ICE2: variants seen among roughly 807,000 people sequenced by gnomAD.
ICE2 encodes the protein little elongation complex subunit 2.
Under a neutral mutation model 105.4 loss-of-function variants are expected in ICE2, and 87 were observed. That is an observed-to-expected ratio of 0.83 (90% CI 0.69 to 0.99). The LOEUF is 0.99. ICE2 is among the 50% of genes least tolerant of loss of function. ICE2 has a pLI of 0.00. For synonymous variants in ICE2, 399 were observed against 392.0 expected (o/e 1.02, Z -0.21); for missense variants, 1,323 against 1,146.7 (o/e 1.15, Z -2.22).
At chr15:60,441,472 T>G (rs1315952390) in intron 12 of ICE2, 1 of 152,192 alleles carries the variant, frequency 6.6e-6, no homozygotes, top group South Asian at 2.1e-4. Flanking sequence ...TAACACAAAA[T>G]TTTATTAGAC....
chr15:60,466,456 T>C (rs966222965), intron 5 of ICE2, 138 bp downstream of exon 5: 2 of 853,472 alleles, frequency 2.3e-6, no homozygotes, highest in Non-Finnish European at 3.6e-6. Context: ...TTTTAATGCA[T>C]GATGAAGAAA....
At chr15:60,472,898 G>T (rs1266207423) in intron 3 of ICE2, among the ~76,000 whole-genome samples, 5 of 152,052 alleles carry the variant, frequency 3.3e-5, no homozygotes, top group African/African-American at 1.2e-4. Context: ...AAAGAGAAAG[G>T]CTGAGAGAAA....
chr15:60,449,246 T>A lies in ICE2; in HGVS notation c.1721A>T (p.Asp574Val). Reference protein sequence around the residue: ...EDTVLCSSDTDEECLIIDTEC... With the variant: ...EDTVLCSSDTVEECLIIDTEC... ...TGTATCAATGATTAAACACTCCTCATCTGTATCACTGCTGCAGAGAACTGT... is the reference window on the plus strand; with the variant it reads ...TGTATCAATGATTAAACACTCCTCAACTGTATCACTGCTGCAGAGAACTGT... The change falls in exon 10 of 16, where the codon GAT becomes GTT. Residue 574 changes from aspartate to valine, a missense_variant. Transcript: ENST00000261520. 1.2e-6 allele frequency: 2 copies of A among 1,613,842 alleles called. No homozygotes were observed. The highest frequency in any genetic ancestry group is 1.1e-5 in the South Asian group (1 of 91,066).
At chr15:60,445,362 T>C (rs1013271268) in intron 11 of ICE2, 1 of 168,056 alleles carries the variant, frequency 6.0e-6, no homozygotes, top group African/African-American at 2.4e-5. Flanking sequence ...TTTCCTCATT[T>C]ACTCGGTGCC....
chr15:60,449,466 G>A lies in ICE2; in HGVS notation c.1501C>T (p.Pro501Ser), dbSNP rs768307534. The change falls in exon 10 of 16, where the codon CCT (proline) becomes TCT (serine). Residue 501 changes from proline to serine, a missense_variant. Transcript: ENST00000261520. ...TTCAAGTCACTATCTTGTATCAAAG[G>A]CTTGTCAGAATTTGATACCTTTTCA... ...SCEKVSNSDKPLIQDSDLKTS... is the reference protein window; with the variant it reads ...SCEKVSNSDKSLIQDSDLKTS... The A allele has an allele frequency of 6.2e-6, 10 of 1,613,850 alleles. No homozygotes were observed. The highest frequency in any genetic ancestry group is 1.3e-5 in the African/African-American group (1 of 74,892).
chr15:60,427,977 CA>C (rs1184010768), intron 15 of ICE2, among the ~76,000 whole-genome samples: 2 of 152,180 alleles, frequency 1.3e-5, no homozygotes, highest in Non-Finnish European at 2.9e-5. Flanking sequence ...ACTCTGTTCA[CA>C]AACTGCTATT....
intron 6 of ICE2, among the ~76,000 whole-genome samples, chr15:60,456,278 C>T (rs2064109008): frequency 1.3e-5 from 2 of 151,042 alleles, no homozygotes; most frequent in African/African-American, 4.8e-5. Flanking sequence ...TGCAGTGGCT[C>T]ACTCCTGTAA....
chr15:60,431,856 G>T, intron 14 of ICE2, 78 bp downstream of exon 14: 1 of 786,488 alleles, frequency 1.3e-6, no homozygotes, highest in Non-Finnish European at 2.1e-6. Context: ...ATTCCTAACA[G>T]TACATTTTCA....
chr15:60,442,086 G>C (rs866025026), intron 12 of ICE2: 1 of 178,574 alleles, frequency 5.6e-6, no homozygotes, highest in Non-Finnish European at 1.2e-5. Flanking sequence ...CTTGAGGCTA[G>C]AAGTTCAAGA....
intron 15 of ICE2, among the ~76,000 whole-genome samples, chr15:60,424,771 G>A (rs923056521): frequency 2.6e-5 from 4 of 152,210 alleles, no homozygotes; most frequent in African/African-American, 4.8e-5. Context: ...CTCCCACAGT[G>A]CTGGGATTAT....
chr15:60,468,489 G>C (rs930196119), intron 3 of ICE2, among the ~76,000 whole-genome samples, 167 bp from the exon 4 acceptor site: 20 of 152,168 alleles, frequency 1.3e-4, no homozygotes, highest in African/African-American at 4.8e-4. Context: ...GCCATTTAAA[G>C]TAGATTAAGT....
intron 5 of ICE2, among the ~76,000 whole-genome samples, chr15:60,462,342 T>C (rs934088821): frequency 1.3e-5 from 2 of 152,118 alleles, no homozygotes; most frequent in African/African-American, 4.8e-5. Flanking sequence ...AGATCAATTA[T>C]AAAACATGGT....
intron 5 of ICE2, among the ~76,000 whole-genome samples, chr15:60,461,324 C>T (rs1370835088): frequency 5.9e-5 from 9 of 152,080 alleles, no homozygotes; most frequent in Admixed American, 3.3e-4. Context: ...GAGTTGTATT[C>T]AGACTATATA....
Position 60,478,020 on chromosome 15 carries a change from G to A in ICE2, c.-43C>T. 6.3e-7 allele frequency: 1 copy of A among 1,584,322 alleles called. No individual in the cohort carries two copies. The highest frequency in any genetic ancestry group is 8.7e-7 in the Non-Finnish European group (1 of 1,153,066). ...TCACTCTAGCTCACAGTTCACAGCT[G>A]CCTGGCTGCGAAGGCTCCAAGAGGC... On this transcript the variant is annotated 5_prime_UTR_variant, in exon 2 of 16. Coordinates refer to ENST00000261520, the MANE Select transcript of ICE2 (RefSeq NM_024611.6).
chr15:60,469,149 G>A (rs1342230405), intron 3 of ICE2, among the ~76,000 whole-genome samples: 1 of 152,144 alleles, frequency 6.6e-6, no homozygotes, highest in Non-Finnish European at 1.5e-5. Context: ...CCTTTGCAGG[G>A]GCACGAATGG....
At chr15:60,424,040 G>GA (rs1422445565) in intron 15 of ICE2, among the ~76,000 whole-genome samples, 1 of 152,138 alleles carries the variant, frequency 6.6e-6, no homozygotes, top group Non-Finnish European at 1.5e-5. Flanking sequence ...ATTAGAGGTT[G>GA]AAAAGATAAA....
chr15:60,423,289 C>T lies in ICE2; in HGVS notation c.*345G>A, dbSNP rs554314484. ...CGCAACAGACTGGCAATATAACTAA[C>T]ACAATACATAACGATAAGTGTTGTT... On this transcript the variant is annotated 3_prime_UTR_variant, in exon 16 of 16. Transcript: ENST00000261520. 6.0e-6 allele frequency: 1 copy of T among 165,692 alleles called. No homozygotes were observed. Among genetic ancestry groups the T allele is most frequent in the East Asian group, 1.8e-4 (1 of 5,444 alleles). The allele number at this position is 165,692 out of a possible 1,614,324, so 10.3% of individuals were successfully genotyped here. A position where few individuals can be genotyped will look rare whatever the true frequency, so the allele number is the denominator to read the frequency against.
At chr15:60,429,304 G>A (rs1310951599) in intron 14 of ICE2, among the ~76,000 whole-genome samples, 1 of 152,068 alleles carries the variant, frequency 6.6e-6, no homozygotes, top group East Asian at 1.9e-4. Flanking sequence ...AAACCTTCAA[G>A]GCATATTAAT....
chr15:60,459,061 T>C (rs1170909596), intron 5 of ICE2, among the ~76,000 whole-genome samples: 4 of 152,186 alleles, frequency 2.6e-5, no homozygotes, highest in African/African-American at 9.7e-5. Context: ...AATGTAAATG[T>C]ATTTAACGTT....
Sources: gnomAD v4.1 joint callset for allele counts (sites outside exome capture counted in the v4.1 genomes callset) on GRCh38, gnomAD v4.1.1 for gene constraint, MANE v1.5 for transcripts, NCBI Gene and HGNC (gene_info 2026-07-23, HGNC 2026-07-21) for gene names.